The following GBP5 variants were observed in gnomAD, a reference collection of about 807,000 sequenced individuals.
GBP5 encodes the protein guanylate binding protein 5.
Under a neutral mutation model 58.2 loss-of-function variants are expected in GBP5, and 48 were observed. That is an observed-to-expected ratio of 0.83 (90% CI 0.65 to 1.05). The LOEUF is 1.05. Ranked by LOEUF, GBP5 falls within the 50% of genes least tolerant of loss-of-function variation. The probability of loss-of-function intolerance (pLI) is 0.00; values close to 1 mark genes in which losing one functional copy is unlikely to be tolerated. For synonymous variants in GBP5, 248 were observed against 251.8 expected, an observed-to-expected ratio of 0.98 and a Z score of 0.14; for missense variants, 714 against 686.8, an observed-to-expected ratio of 1.04 and a Z score of -0.44.
rs1258502632 is a variant in GBP5 at position 89,260,954 on chromosome 1, C to T, written c.1648-137G>A. 5.2e-5 allele frequency: 32 copies of T among 618,820 alleles called. No homozygotes were observed. The South Asian group carries it at 6.1e-4, about 12-fold the overall frequency. 38.3% of individuals were successfully genotyped at this position (618,820 alleles called of 1,614,324 possible). ...TCTCTTCCATTCACGTGCATCTAAC[C>T]TATTTCTGTAATTATTCACCCTCCT... is the stretch of plus-strand genomic sequence containing the variant. On this transcript the variant is annotated intron_variant, in intron 11 of 11. Transcript: ENST00000370459.
In GBP5 at chr1:89,266,994, T is replaced by TG. The variant is rs577783475; in HGVS notation, c.587dup (p.Asp197ArgfsTer2). The TG allele has an allele frequency of 1.3e-4, 217 of 1,611,592 alleles. 1 individual carries two copies. In the African/African-American group the frequency reaches 2.6e-3, roughly 20 times the overall value. ...TTAGGGAATTCTCCAGGTATTCATC[T>TG]GGTGTGACAAGTTGCCCATCTATTT... On this transcript the variant is annotated frameshift_variant, in exon 6 of 12. Transcript: ENST00000370459. LOFTEE classifies it high-confidence loss of function.
chr1:89,267,297 T>C, intron 5 of GBP5, 120 bp downstream of exon 5: 1 of 964,854 alleles, frequency 1.0e-6, no homozygotes, highest in Non-Finnish European at 1.6e-6. Context: ...CTCCTTTCTT[T>C]GTACTTTCAA....
intron 7 of GBP5, 89 bp from the exon 8 acceptor site, chr1:89,265,055 T>A: frequency 8.0e-7 from 1 of 1,256,682 alleles, no homozygotes; most frequent in Non-Finnish European, 1.1e-6. Flanking sequence ...ATTTAATAGT[T>A]GCATTGCCTG....
intron 4 of GBP5, 68 bp from the exon 5 acceptor site, chr1:89,267,594 C>T (rs1570415921): frequency 1.2e-6 from 1 of 868,146 alleles, no homozygotes; most frequent in Non-Finnish European, 2.0e-6. Context: ...TAAAAATAGG[C>T]TCTTGTCATA....
chr1:89,260,656 G>A lies in GBP5; in HGVS notation c.*48C>T, dbSNP rs549552106. On this transcript the variant is annotated 3_prime_UTR_variant, in exon 12 of 12. Coordinates refer to ENST00000370459, the MANE Select transcript of GBP5 (RefSeq NM_052942.5). ...AGGTCTACAGTTTCTTTTCTGTTGT[G>A]TCATCAGTGACAAAGAGTAAAAAAA... The A allele has an allele frequency of 2.7e-6, 3 of 1,092,762 alleles. No individual in the cohort carries two copies. The highest frequency in any genetic ancestry group is 2.6e-5 in the South Asian group (2 of 77,492). 67.7% of individuals were successfully genotyped at this position (1,092,762 alleles called of 1,614,324 possible).
rs1650140785 is a variant in GBP5, at chr1:89,264,745, C to A, written c.1090G>T (p.Glu364Ter). The A allele has an allele frequency of 1.2e-6, 2 of 1,614,092 alleles. No individual in the cohort carries two copies. Among genetic ancestry groups the A allele is most frequent in the Non-Finnish European group, 1.7e-6 (2 of 1,180,040 alleles). Reference sequence around the variant, plus strand: ...TTGAAAGAGTTTTTCATGAAGACTTCAATGGCCTCCCTCTCACTGGTCCTG... The same window carrying A: ...TTGAAAGAGTTTTTCATGAAGACTTAAATGGCCTCCCTCTCACTGGTCCTG... The part of the protein sequence containing the change: ...LHRTSEREAI[E>*]VFMKNSFKDV... Residue 364 changes from glutamate to a stop codon, truncating the protein, a stop_gained, in exon 8 of 12, where the codon GAA (glutamate) becomes TAA (stop). Transcript: ENST00000370459. LOFTEE classifies it high-confidence loss of function.
At position 89,262,680 on chromosome 1, in the gene GBP5, C is replaced by T. The variant is rs1355213946; in HGVS notation, c.1465+3G>A. 2 of 1,579,568 alleles carry T rather than the reference C, an allele frequency of 1.3e-6. No individual in the cohort carries two copies. Among genetic ancestry groups the T allele is most frequent in the Non-Finnish European group, 1.7e-6 (2 of 1,149,776 alleles). On this transcript the variant is annotated splice_donor_region_variant and intron_variant, in intron 10 of 11. Transcript: ENST00000370459. The stretch of plus-strand genomic sequence containing the variant: ...TCTTGCATAATTTCCACTTTCTTCT[C>T]ACCTTTCTTCTTTTTTTCCGTCTCT...
At chr1:89,266,261 C>G in intron 7 of GBP5, 85 bp downstream of exon 7, 2 of 1,189,040 alleles carry the variant, frequency 1.7e-6, no homozygotes, top group Non-Finnish European at 2.4e-6. Flanking sequence ...CATTTGTCAA[C>G]ATTGACAATG....
intron 4 of GBP5, 138 bp downstream of exon 4, chr1:89,268,591 A>C (rs3795542): frequency 0.53 from 433,640 of 815,014 alleles, 119,431 homozygotes; most frequent in Middle Eastern, 0.61. Context: ...CAAACTCTGA[A>C]TATTAAAAAT....
At chr1:89,262,886 G>A (rs1557500871) in intron 9 of GBP5, 101 bp from the exon 10 acceptor site, 8 of 718,344 alleles carry the variant, frequency 1.1e-5, no homozygotes, top group South Asian at 9.7e-5. Flanking sequence ...ATTCCTCATA[G>A]GAGAGGCTTG....
chr1:89,268,767 C>T lies in GBP5; in HGVS notation c.280G>A (p.Val94Ile). The T allele has an allele frequency of 6.2e-7, 1 of 1,614,020 alleles. No individual in the cohort carries two copies. Among genetic ancestry groups the T allele is most frequent in the African/African-American group, 1.3e-5 (1 of 74,986 alleles). The change falls in exon 4 of 12, where the codon GTT becomes ATT. Residue 94 changes from valine (V) to isoleucine (I), a missense_variant. By Grantham distance (29) the Val-to-Ile change is conservative (BLOSUM62 3). Coordinates refer to ENST00000370459, the MANE Select transcript of GBP5 (RefSeq NM_052942.5). ...PHPNWPNHTL[V>I]LLDTEGLGDV... ...CCCAGGCCCTCGGTGTCAAGCAGAA[C>T]TAATGTGTGATTTGGCCAGTTGGGA... is the stretch of plus-strand genomic sequence containing the variant.
intron 4 of GBP5, among the ~76,000 whole-genome samples, chr1:89,268,360 T>C (rs1271688783): frequency 1.3e-5 from 2 of 152,216 alleles, no homozygotes; most frequent in Non-Finnish European, 2.9e-5. Context: ...ACTTCTCTTA[T>C]CAAAGTCAGA....
At chr1:89,265,768 T>G (rs1340291739) in intron 7 of GBP5, among the ~76,000 whole-genome samples, 2 of 151,094 alleles carry the variant, frequency 1.3e-5, no homozygotes, top group Non-Finnish European at 2.9e-5. Context: ...AGTAAGCAAT[T>G]TAAACCAGGT....
intron 7 of GBP5, 64 bp downstream of exon 7, chr1:89,266,282 C>A (rs1053163490): frequency 5.1e-6 from 7 of 1,371,482 alleles, no homozygotes; most frequent in Middle Eastern, 1.9e-4. Context: ...CAAGGATAAT[C>A]TTATAAAAAG....
Position 89,258,538 on chromosome 1 carries a change from G to A in GBP5, c.*2166C>T, listed in dbSNP as rs115519787. Among the ~76,000 whole-genome samples, 2,660 of 152,208 alleles carry A rather than the reference G, an allele frequency of 0.017. 70 individuals are homozygous for A. Among genetic ancestry groups the A allele is most frequent in the Non-Finnish European group, 0.019 (1,322 of 68,018 alleles). ...ACTTCAGTTCAAATCTAGAAATACTGCTGAGTAGCACCACATCCTATCTGA... is the reference window on the plus strand; with the variant it reads ...ACTTCAGTTCAAATCTAGAAATACTACTGAGTAGCACCACATCCTATCTGA... On this transcript the variant is annotated 3_prime_UTR_variant, in exon 12 of 12. Coordinates refer to ENST00000370459, the MANE Select transcript of GBP5 (RefSeq NM_052942.5).
At chr1:89,262,637 T>A in intron 10 of GBP5, 46 bp downstream of exon 10, 1 of 1,384,350 alleles carries the variant, frequency 7.2e-7, no homozygotes, top group Non-Finnish European at 1.0e-6. Context: ...TTATTTAAAA[T>A]TTATAGATTT....
rs1650350989 is a variant in GBP5, at chr1:89,269,371, T to C, written c.185A>G (p.Asn62Ser). 1 of 1,614,066 alleles carries C rather than the reference T, an allele frequency of 6.2e-7. No individual in the cohort carries two copies. The highest frequency in any genetic ancestry group is 2.2e-5 in the East Asian group (1 of 44,878). Residue 62 changes from asparagine to serine, a missense_variant, in exon 3 of 12, where the codon AAC (asparagine) becomes AGC (serine). Physicochemically the swap from Asn to Ser is conservative, Grantham distance 46 (BLOSUM62 1). Transcript: ENST00000370459. ...GCTTTGCTGGTACCACTCACCCTTG[T>C]TCTTCCCAGCCAGCTTGTTCATCAG... is the stretch of plus-strand genomic sequence containing the variant. ...SYLMNKLAGK[N>S]KGFSVASTVQ...
chr1:89,266,292 G>C, intron 7 of GBP5, 54 bp downstream of exon 7: 2 of 1,451,358 alleles, frequency 1.4e-6, no homozygotes, highest in South Asian at 2.4e-5. Flanking sequence ...CTTATAAAAA[G>C]TGTCCCTTAT....
At position 89,263,764 on chromosome 1, in the gene GBP5, T is replaced by C; in HGVS notation, c.1334A>G (p.Tyr445Cys). The C allele has an allele frequency of 6.2e-7, 1 of 1,613,684 alleles. No homozygotes were observed. Among genetic ancestry groups the C allele is most frequent in the Non-Finnish European group, 8.5e-7 (1 of 1,179,738 alleles). ...IQKTEELKAK[Y>C]YREPRKGIQA... ...TATTCCTTTCCGAGGCTCCCGATAG[T>C]ACTTTGCCTTCAGTTCTTCTGTTTT... is the stretch of plus-strand genomic sequence containing the variant. Residue 445 changes from tyrosine (Y) to cysteine (C), a missense_variant, in exon 9 of 12, where the codon TAC becomes TGC. Transcript: ENST00000370459.
Sources: allele counts gnomAD v4.1 joint callset (sites outside exome capture counted in the v4.1 genomes callset), GRCh38; gene constraint gnomAD v4.1.1; transcripts MANE v1.5; gene names NCBI Gene and HGNC (gene_info 2026-07-23, HGNC 2026-07-21).